The following CBLB variants were observed in gnomAD, a reference collection of about 807,000 sequenced individuals.
The protein encoded by CBLB is E3 ubiquitin-protein ligase CBL-B.
A neutral mutation model predicts 104.9 loss-of-function variants in CBLB; 31 were observed. The ratio of observed to expected loss-of-function variants is 0.30; its 90% confidence interval spans 0.22 to 0.40. The LOEUF (loss-of-function observed/expected upper bound fraction) is 0.40. Among genes scored for constraint, CBLB ranks in the 10% least tolerant of loss-of-function variants. The pLI is 1.00. For synonymous variants in CBLB, 440 were observed against 422.6 expected (o/e 1.04, Z -0.51); for missense variants, 1,062 against 1,214.6 (o/e 0.87, Z 1.87).
chr3:105,762,789 T>C (rs1008948257), intron 4 of CBLB, among the ~76,000 whole-genome samples: 1 of 152,272 alleles, frequency 6.6e-6, no homozygotes, highest in Admixed American at 6.5e-5. Flanking sequence ...GAGTCTCCAC[T>C]GGGGCACTGA....
At chr3:105,765,358 C>T (rs956167461) in intron 4 of CBLB, among the ~76,000 whole-genome samples, 2 of 152,040 alleles carry the variant, frequency 1.3e-5, no homozygotes, top group African/African-American at 4.8e-5. Flanking sequence ...ACAAAAGCCC[C>T]CTGATAGTTG....
At chr3:105,753,056 G>A (rs1013077177) in intron 4 of CBLB, among the ~76,000 whole-genome samples, 34 of 152,150 alleles carry the variant, frequency 2.2e-4, no homozygotes, top group African/African-American at 8.2e-4. Context: ...ATCTAGAGTG[G>A]GGTATGTAAG....
intron 18 of CBLB, among the ~76,000 whole-genome samples, chr3:105,664,853 C>T (rs1576131877): frequency 6.6e-6 from 1 of 152,178 alleles, no homozygotes; most frequent in Non-Finnish European, 1.5e-5. Flanking sequence ...TTTGTCATCA[C>T]TACTATTCCA....
chr3:105,780,473 T>C (rs1264779472), intron 3 of CBLB, among the ~76,000 whole-genome samples: 1 of 152,084 alleles, frequency 6.6e-6, no homozygotes, highest in Non-Finnish European at 1.5e-5. Flanking sequence ...AAGAAAAGAC[T>C]CAATAATCTT....
intron 5 of CBLB, among the ~76,000 whole-genome samples, chr3:105,750,796 A>G (rs2076530544): frequency 6.6e-6 from 1 of 152,234 alleles, no homozygotes; most frequent in African/African-American, 2.4e-5. Context: ...CACAACAAAA[A>G]TGTTCATCTT....
intron 3 of CBLB, among the ~76,000 whole-genome samples, chr3:105,843,607 AG>A (rs1408003866): frequency 1.3e-5 from 2 of 152,178 alleles, no homozygotes; most frequent in African/African-American, 4.8e-5. Flanking sequence ...TGTTAAAAAA[AG>A]GTACTTACAA....
At chr3:105,696,009 C>G (rs1012485577) in intron 12 of CBLB, among the ~76,000 whole-genome samples, 3 of 151,562 alleles carry the variant, frequency 2.0e-5, no homozygotes, top group Non-Finnish European at 4.4e-5. Context: ...TACTGAAATA[C>G]TCTCAGCAAA....
At position 105,720,086 on chromosome 3, in the gene CBLB, CTCACGA is replaced by C. The variant is rs1219786930; in HGVS notation, c.1362_1367del (p.Asp454_Arg455del). The C allele has an allele frequency of 1.2e-6, 2 of 1,613,910 alleles. No homozygotes were observed. The highest frequency in any genetic ancestry group is 4.5e-5 in the East Asian group (2 of 44,890). On this transcript the variant is annotated inframe_deletion, in exon 10 of 19. Coordinates refer to ENST00000394030, the MANE Select transcript of CBLB (RefSeq NM_170662.5). ...CCAACCGATTCATCATCAAGGACTC[CTCACGA>C]TCATCATCGTCGTCCAAGTCTAGCA...
chr3:105,686,428 A>T (rs2067008012), intron 13 of CBLB, among the ~76,000 whole-genome samples: 1 of 151,766 alleles, frequency 6.6e-6, no homozygotes, highest in African/African-American at 2.4e-5. Context: ...CTCATGAGAA[A>T]TCTGTTCAAT....
chr3:105,846,800 A>G (rs1008926088), intron 3 of CBLB, among the ~76,000 whole-genome samples: 5 of 152,114 alleles, frequency 3.3e-5, no homozygotes, highest in Non-Finnish European at 7.4e-5. Context: ...AAACATGCCC[A>G]TTAAACTGTG....
At chr3:105,796,443 C>T (rs1168584492) in intron 3 of CBLB, among the ~76,000 whole-genome samples, 1 of 152,090 alleles carries the variant, frequency 6.6e-6, no homozygotes, top group Non-Finnish European at 1.5e-5. Context: ...AAAATCAACT[C>T]ATGAGGATTA....
intron 6 of CBLB, among the ~76,000 whole-genome samples, chr3:105,742,230 T>G (rs1477399182): frequency 1.3e-5 from 2 of 152,224 alleles, no homozygotes; most frequent in South Asian, 4.1e-4. Flanking sequence ...TGTATGTATG[T>G]GGCAGACACA....
chr3:105,670,892 T>A (rs937746286), intron 17 of CBLB: 2 of 160,144 alleles, frequency 1.2e-5, no homozygotes, highest in African/African-American at 4.8e-5. Flanking sequence ...AAGGTGCTTA[T>A]TATTATATTG....
At chr3:105,718,332 T>C (rs1158413549) in intron 10 of CBLB, among the ~76,000 whole-genome samples, 1 of 152,028 alleles carries the variant, frequency 6.6e-6, no homozygotes. Context: ...TCCAGAAAAA[T>C]GCAAAATTTG....
rs142385174 is a variant in CBLB at position 105,811,892 on chromosome 3, C to T, written c.420-35350G>A. 5.2e-3 allele frequency among the ~76,000 whole-genome samples: 797 copies of T among 152,144 alleles called. 1 individual carries two copies. The highest frequency in any genetic ancestry group is 0.034 in the Middle Eastern group (10 of 294). ...CTAATTTTTGTATTTTTAGTAGAGA[C>T]GAGGTTTCACCATGTTGACCAGGCT... is the stretch of plus-strand genomic sequence containing the variant. On this transcript the variant is annotated intron_variant, in intron 3 of 18. Transcript: ENST00000394030.
intron 17 of CBLB, among the ~76,000 whole-genome samples, chr3:105,676,673 C>T (rs2065682579): frequency 6.6e-6 from 1 of 152,138 alleles, no homozygotes; most frequent in Non-Finnish European, 1.5e-5. Context: ...GCAGTGTTTA[C>T]ATGTAACTAA....
chr3:105,778,219 G>A (rs2079715864), intron 3 of CBLB, among the ~76,000 whole-genome samples: 2 of 152,028 alleles, frequency 1.3e-5, no homozygotes. Context: ...CACAGAGAAA[G>A]TCATCAAATT....
At chr3:105,706,208 A>C (rs1039564598) in intron 10 of CBLB, among the ~76,000 whole-genome samples, 1 of 152,180 alleles carries the variant, frequency 6.6e-6, no homozygotes, top group Non-Finnish European at 1.5e-5. Context: ...ATATGCCTGA[A>C]TATTGTCATG....
chr3:105,703,107 T>C (rs898769835), intron 11 of CBLB, among the ~76,000 whole-genome samples: 6 of 146,954 alleles, frequency 4.1e-5, no homozygotes, highest in Non-Finnish European at 5.9e-5. Context: ...TATAAAGGTA[T>C]AGATCAATGA....
Sources: allele counts gnomAD v4.1 joint callset (sites outside exome capture counted in the v4.1 genomes callset), GRCh38; gene constraint gnomAD v4.1.1; transcripts MANE v1.5; gene names NCBI Gene and HGNC (gene_info 2026-07-23, HGNC 2026-07-21).